Variants in SCPEP1 observed in about 807,000 individuals in gnomAD.
The protein encoded by SCPEP1 is serine carboxypeptidase 1.
A neutral mutation model predicts 63.8 loss-of-function variants in SCPEP1; 51 were observed. That is an observed-to-expected ratio of 0.80 (90% CI 0.64 to 1.01). The LOEUF is 1.01. SCPEP1 is among the 50% of genes least tolerant of loss of function. SCPEP1 has a pLI of 0.00. For synonymous variants in SCPEP1, 204 were observed against 207.8 expected (o/e 0.98, Z 0.16); for missense variants, 499 against 554.9 (o/e 0.90, Z 1.01).
At chr17:57,002,984 G>T (rs2144511047) in intron 12 of SCPEP1, among the ~76,000 whole-genome samples, 1 of 152,276 alleles carries the variant, frequency 6.6e-6, no homozygotes. Context: ...GAGCACAAGG[G>T]TGAGTGGTGC....
Position 56,987,443 on chromosome 17 carries a change from T to C in SCPEP1, c.316-252T>C, listed in dbSNP as rs553055456. 1.6e-5 allele frequency: 5 copies of C among 317,058 alleles called. No homozygotes were observed. In the South Asian group the frequency reaches 2.9e-4, roughly 19 times the overall value. The allele number at this position is 317,058 out of a possible 1,614,324, so 19.6% of individuals were successfully genotyped here. A position where few individuals can be genotyped will look rare whatever the true frequency, so the allele number is the denominator to read the frequency against. On this transcript the variant is annotated intron_variant, in intron 3 of 12. Transcript: ENST00000262288. Reference sequence around the variant, plus strand: ...CCAGATTATTTGATCCCCGTGTGTGTTAATCTTTCCTTCCTGCCTCTCCCT... The same window carrying C: ...CCAGATTATTTGATCCCCGTGTGTGCTAATCTTTCCTTCCTGCCTCTCCCT...
At chr17:56,984,367 T>C (rs1911155552) in intron 2 of SCPEP1, 1 of 152,452 alleles carries the variant, frequency 6.6e-6, no homozygotes, top group South Asian at 2.1e-4. Flanking sequence ...GGCCCCTGGA[T>C]TTGTCCAGAA....
At chr17:56,990,936 G>A (rs951684657) in intron 5 of SCPEP1, among the ~76,000 whole-genome samples, 163 bp from the exon 6 acceptor site, 2 of 152,140 alleles carry the variant, frequency 1.3e-5, no homozygotes, top group Non-Finnish European at 2.9e-5. Context: ...ATGTCCCACT[G>A]ATTTTTTAAC....
intron 6 of SCPEP1, among the ~76,000 whole-genome samples, chr17:56,993,384 C>T (rs990533631): frequency 2.0e-5 from 3 of 152,034 alleles, no homozygotes; most frequent in Non-Finnish European, 4.4e-5. Flanking sequence ...AAACAAGGGC[C>T]CATGAGTCAA....
Position 56,998,442 on chromosome 17 carries a change from T to TG in SCPEP1, c.939dup (p.Asn314GlufsTer13). 6.2e-7 allele frequency: 1 copy of TG among 1,613,910 alleles called. No homozygotes were observed. Among genetic ancestry groups the TG allele is most frequent in the Non-Finnish European group, 8.5e-7 (1 of 1,179,914 alleles). On this transcript the variant is annotated frameshift_variant, in exon 10 of 13. Coordinates refer to ENST00000262288, the MANE Select transcript of SCPEP1 (RefSeq NM_021626.3). LOFTEE classifies it high-confidence loss of function. ...CAACGAGATGCCTTAAGCCAGCTCA[T>TG]GAATGGCCCCATCAGAAAGAAGCTC... is the stretch of plus-strand genomic sequence containing the variant.
intron 9 of SCPEP1, among the ~76,000 whole-genome samples, chr17:56,997,812 G>A (rs1449357971): frequency 1.3e-5 from 2 of 151,142 alleles, no homozygotes; most frequent in African/African-American, 4.9e-5. Flanking sequence ...AGGCCAGAGT[G>A]CCATTGAATT....
At position 57,001,931 on chromosome 17, in the gene SCPEP1, G is replaced by A. The variant is rs75184322; in HGVS notation, c.1133-87G>A. On this transcript the variant is annotated intron_variant, in intron 11 of 12. Coordinates refer to ENST00000262288, the MANE Select transcript of SCPEP1 (RefSeq NM_021626.3). ...GTGAGTTTCATGCATATTGCAGTTT[G>A]GGAAGCACCAACTTTTAGGACCTAG... 6.8e-4 allele frequency: 941 copies of A among 1,393,876 alleles called. 5 individuals carry two copies. The African/African-American group carries it at 0.012, about 18-fold the overall frequency. The allele number at this position is 1,393,876 out of a possible 1,614,324, so 86.3% of individuals were successfully genotyped here.
intron 6 of SCPEP1, among the ~76,000 whole-genome samples, chr17:56,991,489 G>T (rs561070719): frequency 6.6e-6 from 1 of 152,194 alleles, no homozygotes; most frequent in East Asian, 1.9e-4. Context: ...TTCAAATCCA[G>T]GTCTGTGCTG....
rs1304887082 is a variant in SCPEP1 at position 56,987,814 on chromosome 17, C to T, written c.435C>T (p.Leu145=). The T allele has an allele frequency of 1.2e-6, 2 of 1,614,092 alleles. No individual in the cohort carries two copies. Among genetic ancestry groups the T allele is most frequent in the Admixed American group, 1.7e-5 (1 of 60,008 alleles). ...LAMVASDMMV[L]LKTFFSCHKE... ...TGGTGGCTTCAGACATGATGGTTCT[C>T]CTGAAGACCTTCTTCAGTTGCCACA... The change falls in exon 4 of 13, where the codon CTC becomes CTT. Residue 145 remains leucine (L), a synonymous_variant. Transcript: ENST00000262288.
chr17:56,987,143 A>G (rs565742694), intron 3 of SCPEP1: 4 of 152,428 alleles, frequency 2.6e-5, no homozygotes, highest in African/African-American at 7.2e-5. Flanking sequence ...AGCAAGGGAC[A>G]TGGCTGGACT....
rs916541502 is a variant in SCPEP1 at position 57,006,157 on chromosome 17, T to G, written c.1297-16T>G. The G allele has an allele frequency of 6.2e-7, 1 of 1,601,556 alleles. No homozygotes were observed. Among genetic ancestry groups the G allele is most frequent in the Non-Finnish European group, 8.5e-7 (1 of 1,172,066 alleles). ...ATAGCACCAGGAGCACTAACTCAGATGTTGTTTTTTTCTAGGTTCCTTCTG... is the reference window on the plus strand; with the variant it reads ...ATAGCACCAGGAGCACTAACTCAGAGGTTGTTTTTTTCTAGGTTCCTTCTG... On this transcript the variant is annotated splice_polypyrimidine_tract_variant and intron_variant, in intron 12 of 12. Coordinates refer to ENST00000262288, the MANE Select transcript of SCPEP1 (RefSeq NM_021626.3).
chr17:56,995,030 C>T lies in SCPEP1; in HGVS notation c.657+12C>T, dbSNP rs766386580. The T allele has an allele frequency of 8.1e-6, 13 of 1,610,414 alleles. No individual in the cohort carries two copies. The highest frequency in any genetic ancestry group is 1.7e-4 in the Middle Eastern group (1 of 6,018). ...ACCTGTACAGCATGGTAAGTAGATA[C>T]ACATCTGCACCCTCTGGGCAAACAG... On this transcript the variant is annotated intron_variant, in intron 7 of 12. Coordinates refer to ENST00000262288, the MANE Select transcript of SCPEP1 (RefSeq NM_021626.3).
chr17:56,980,705 T>A (rs1453289757), intron 1 of SCPEP1, among the ~76,000 whole-genome samples: 1 of 149,334 alleles, frequency 6.7e-6, no homozygotes, highest in Non-Finnish European at 1.5e-5. Flanking sequence ...GGAGAATCGC[T>A]TGAACCCGGA....
intron 6 of SCPEP1, among the ~76,000 whole-genome samples, chr17:56,992,234 T>G (rs1166326380): frequency 6.6e-6 from 1 of 152,240 alleles, no homozygotes; most frequent in East Asian, 1.9e-4. Context: ...TACAGAGCCA[T>G]ATTCCCAATA....
intron 5 of SCPEP1, 72 bp downstream of exon 5, chr17:56,988,362 G>T: frequency 1.7e-6 from 2 of 1,149,394 alleles, no homozygotes; most frequent in South Asian, 1.3e-5. Flanking sequence ...GTACTCACGT[G>T]CTATTAAATA....
At chr17:56,998,340 C>A (rs754944323) in intron 9 of SCPEP1, 45 bp from the exon 10 acceptor site, 2 of 1,344,046 alleles carry the variant, frequency 1.5e-6, no homozygotes, top group South Asian at 1.2e-5. Context: ...TCCTCTTGGC[C>A]TTACTTCCAG....
In SCPEP1 at chr17:56,995,646, GA is replaced by G. The variant is rs1246663215; in HGVS notation, c.786+14del. On this transcript the variant is annotated intron_variant, in intron 8 of 12. Coordinates refer to ENST00000262288, the MANE Select transcript of SCPEP1 (RefSeq NM_021626.3). The stretch of plus-strand genomic sequence containing the variant: ...ATGATCATTGAACAGGTAAAAAGGG[GA>G]AACACTCAGAGGCGAGCCTGCTTGG... 1.2e-6 allele frequency: 2 copies of G among 1,612,990 alleles called. No individual in the cohort carries two copies. The highest frequency in any genetic ancestry group is 2.7e-5 in the African/African-American group (2 of 74,848).
chr17:57,006,130 G>A, intron 12 of SCPEP1, 43 bp from the exon 13 acceptor site: 2 of 1,536,836 alleles, frequency 1.3e-6, no homozygotes, highest in East Asian at 2.3e-5. Context: ...CCAGCCCCAG[G>A]AATAGCACCA....
At position 56,987,737 on chromosome 17, in the gene SCPEP1, A is replaced by G; in HGVS notation, c.358A>G (p.Thr120Ala). 6.2e-7 allele frequency: 1 copy of G among 1,614,084 alleles called. No homozygotes were observed. Among genetic ancestry groups the G allele is most frequent in the Non-Finnish European group, 8.5e-7 (1 of 1,179,988 alleles). Residue 120 changes from threonine to alanine, a missense_variant, in exon 4 of 13, where the codon ACT becomes GCT. Physicochemically the swap from Thr to Ala is moderately conservative, Grantham distance 58. Coordinates refer to ENST00000262288, the MANE Select transcript of SCPEP1 (RefSeq NM_021626.3). ...SLLFVDNPVGTGFSYVNGSGA... is the reference protein window; with the variant it reads ...SLLFVDNPVGAGFSYVNGSGA... ...CCTATTTGTGGATAATCCCGTGGGCACTGGGTTCAGTTATGTGAATGGTAG... is the reference window on the plus strand; with the variant it reads ...CCTATTTGTGGATAATCCCGTGGGCGCTGGGTTCAGTTATGTGAATGGTAG...
Sources: allele counts gnomAD v4.1 joint callset (sites outside exome capture counted in the v4.1 genomes callset), GRCh38; gene constraint gnomAD v4.1.1; transcripts MANE v1.5; gene names NCBI Gene and HGNC (gene_info 2026-07-23, HGNC 2026-07-21).